The following ZFPM2 variants were observed in gnomAD, a reference collection of about 807,000 sequenced individuals.
ZFPM2 encodes the protein zinc finger protein, FOG family member 2.
A neutral mutation model predicts 98.6 loss-of-function variants in ZFPM2; 20 were observed. The observed-to-expected ratio is 0.20, with a 90% confidence interval of 0.14 to 0.29. ZFPM2 has a LOEUF of 0.29. Among genes scored for constraint, ZFPM2 ranks in the 10% least tolerant of loss-of-function variants. ZFPM2 has a pLI of 1.00. For missense variants in ZFPM2, 1,310 were observed against 1,388.6 expected (o/e 0.94, Z 0.90); for synonymous variants, 518 against 502.7 (o/e 1.03, Z -0.41).
chr8:105,671,171 G>A (rs184467188), intron 5 of ZFPM2, among the ~76,000 whole-genome samples: 1 of 151,936 alleles, frequency 6.6e-6, no homozygotes, highest in Admixed American at 6.5e-5. Flanking sequence ...CATATATTTT[G>A]CCATACAATA....
chr8:105,768,378 T>A (rs1812903942), intron 5 of ZFPM2, among the ~76,000 whole-genome samples: 1 of 151,948 alleles, frequency 6.6e-6, no homozygotes, highest in South Asian at 2.1e-4. Flanking sequence ...CAGAATCATC[T>A]CTTTATTAAT....
At chr8:105,766,250 G>C (rs1196519283) in intron 5 of ZFPM2, among the ~76,000 whole-genome samples, 1 of 151,884 alleles carries the variant, frequency 6.6e-6, no homozygotes, top group African/African-American at 2.4e-5. Context: ...AGAAATCGAA[G>C]CTTTCCAACC....
At chr8:105,412,823 A>AT (rs1207058316) in intron 1 of ZFPM2, among the ~76,000 whole-genome samples, 2 of 151,782 alleles carry the variant, frequency 1.3e-5, no homozygotes, top group Non-Finnish European at 2.9e-5. Context: ...CATGAGACAA[A>AT]TGTAATAGGA....
intron 3 of ZFPM2, among the ~76,000 whole-genome samples, chr8:105,540,925 T>C (rs975049083): frequency 1.1e-4 from 16 of 152,172 alleles, no homozygotes; most frequent in African/African-American, 3.4e-4. Context: ...TGAATGTGAA[T>C]TTATTTTTTA....
chr8:105,372,333 C>T lies in ZFPM2; in HGVS notation c.41-46811C>T, dbSNP rs1185894507. ...CTGGGATTACAGGCGTGAGCCACCG[C>T]GCCCGGCCTATTATTTTTAGTACTG... On this transcript the variant is annotated intron_variant, in intron 1 of 7. Coordinates refer to ENST00000407775, the MANE Select transcript of ZFPM2 (RefSeq NM_012082.4). Among the ~76,000 whole-genome samples, 13 of 152,150 alleles carry T rather than the reference C, an allele frequency of 8.5e-5. No individual in the cohort carries two copies. In the South Asian group the frequency reaches 2.3e-3, roughly 27 times the overall value.
intron 3 of ZFPM2, among the ~76,000 whole-genome samples, chr8:105,475,938 A>G (rs1813004483): frequency 1.3e-5 from 2 of 152,342 alleles, no homozygotes; most frequent in South Asian, 4.1e-4. Context: ...TATGTATGCA[A>G]CTTTATAAAA....
At chr8:105,400,149 A>G (rs1384926385) in intron 1 of ZFPM2, among the ~76,000 whole-genome samples, 1 of 152,146 alleles carries the variant, frequency 6.6e-6, no homozygotes, top group African/African-American at 2.4e-5. Flanking sequence ...CATTGTGTCT[A>G]AAATATCACT....
chr8:105,389,934 A>G (rs1193322873), intron 1 of ZFPM2, among the ~76,000 whole-genome samples: 1 of 152,250 alleles, frequency 6.6e-6, no homozygotes, highest in Non-Finnish European at 1.5e-5. Context: ...AAATAACAGT[A>G]AAACTCAAAA....
chr8:105,603,803 A>AT (rs1434133003), intron 4 of ZFPM2, among the ~76,000 whole-genome samples: 1 of 151,960 alleles, frequency 6.6e-6, no homozygotes. Context: ...ATAACGCTTG[A>AT]TTTTATCTAC....
chr8:105,361,437 A>G (rs1303755405), intron 1 of ZFPM2, among the ~76,000 whole-genome samples: 1 of 150,018 alleles, frequency 6.7e-6, no homozygotes, highest in Non-Finnish European at 1.5e-5. Context: ...GTTCACTCTG[A>G]TGGTAGTTTC....
intron 2 of ZFPM2, among the ~76,000 whole-genome samples, chr8:105,423,046 G>A (rs945382795): frequency 7.5e-6 from 1 of 133,348 alleles, no homozygotes; most frequent in African/African-American, 3.5e-5. Flanking sequence ...TGTTCTTGCT[G>A]AAGGGCAAGT....
Position 105,482,913 on chromosome 8 carries a change from CTTT to C in ZFPM2, c.301+38533_301+38535del, listed in dbSNP as rs1408013852. ...TCCTTCCTTCCTTCTTTCCTTCCTT[CTTT>C]ACTTCCCCTTTCCTTTCCCCTTCTC... On this transcript the variant is annotated intron_variant, in intron 3 of 7. Transcript: ENST00000407775. 2.4e-5 allele frequency among the ~76,000 whole-genome samples: 3 copies of C among 123,140 alleles called. No homozygotes were observed. In the Admixed American group the frequency reaches 2.6e-4, roughly 11 times the overall value. 80.8% of individuals were successfully genotyped at this position (123,140 alleles called of 152,430 possible). A position where few individuals can be genotyped will look rare whatever the true frequency, so the allele number is the denominator to read the frequency against.
chr8:105,792,996 G>A (rs1055058689), intron 6 of ZFPM2, among the ~76,000 whole-genome samples: 2 of 152,150 alleles, frequency 1.3e-5, no homozygotes, highest in African/African-American at 4.8e-5. Flanking sequence ...TGTGAGATGG[G>A]TTTCCTGAAT....
intron 5 of ZFPM2, among the ~76,000 whole-genome samples, chr8:105,723,130 A>G (rs1811709407): frequency 6.6e-6 from 1 of 151,796 alleles, no homozygotes; most frequent in African/African-American, 2.4e-5. Context: ...TCCAAGATCC[A>G]TATCATAAAA....
intron 5 of ZFPM2, among the ~76,000 whole-genome samples, chr8:105,715,404 T>C (rs1484512889): frequency 8.0e-6 from 1 of 125,054 alleles, no homozygotes; most frequent in Non-Finnish European, 1.7e-5. Flanking sequence ...AGACCCCATC[T>C]CTTGAAAAAA....
At chr8:105,547,618 A>T (rs1184835288) in intron 3 of ZFPM2, among the ~76,000 whole-genome samples, 4 of 149,816 alleles carry the variant, frequency 2.7e-5, no homozygotes, top group African/African-American at 7.4e-5. Flanking sequence ...TCGTGGTTTT[A>T]CTTAAGTCAG....
intron 5 of ZFPM2, among the ~76,000 whole-genome samples, chr8:105,779,010 A>T (rs1231825945): frequency 1.3e-5 from 2 of 152,096 alleles, no homozygotes; most frequent in Non-Finnish European, 2.9e-5. Context: ...AGTCTAAAAA[A>T]AGAGAAATGA....
rs113956255 is a variant in ZFPM2, at chr8:105,389,677, G to C, written c.41-29467G>C. On this transcript the variant is annotated intron_variant, in intron 1 of 7. Coordinates refer to ENST00000407775, the MANE Select transcript of ZFPM2 (RefSeq NM_012082.4). ...AACCCAGCTCTGACTAATTTGTAGA[G>C]TCTGTGGTGCTTTGTAAATGGTCAT... Among the ~76,000 whole-genome samples the C allele has an allele frequency of 2.1e-3, 321 of 152,308 alleles. 2 individuals are homozygous for C. The highest frequency in any genetic ancestry group is 7.5e-3 in the African/African-American group (310 of 41,570).
At chr8:105,441,566 A>C (rs1468562290) in intron 2 of ZFPM2, among the ~76,000 whole-genome samples, 1 of 152,026 alleles carries the variant, frequency 6.6e-6, no homozygotes, top group Non-Finnish European at 1.5e-5. Context: ...GTCACAAAGC[A>C]GGGCCAAGAA....
Sources: allele counts gnomAD v4.1 joint callset (sites outside exome capture counted in the v4.1 genomes callset), GRCh38; gene constraint gnomAD v4.1.1; transcripts MANE v1.5; gene names NCBI Gene and HGNC (gene_info 2026-07-23, HGNC 2026-07-21).